ZFAT: variants seen among roughly 807,000 people sequenced by gnomAD.
ZFAT encodes the protein zinc finger protein ZFAT.
ZFAT carries 64 observed loss-of-function variants against 117.7 expected under a neutral mutation model. The ratio of observed to expected loss-of-function variants is 0.54; its 90% confidence interval spans 0.44 to 0.67. The LOEUF (loss-of-function observed/expected upper bound fraction) is 0.67, where lower values mean the gene tolerates loss of function less well. Ranked by LOEUF, ZFAT falls within the 30% of genes least tolerant of loss-of-function variation. The pLI, the probability that ZFAT is intolerant of heterozygous loss-of-function variation, is 0.00. For synonymous variants in ZFAT, 679 were observed against 615.0 expected, an observed-to-expected ratio of 1.10 and a Z score of -1.54; for missense variants, 1,433 against 1,584.5, an observed-to-expected ratio of 0.90 and a Z score of 1.62.
intron 2 of ZFAT, among the ~76,000 whole-genome samples, chr8:134,655,846 C>T (rs1189948010): frequency 6.6e-6 from 1 of 151,660 alleles, no homozygotes; most frequent in Non-Finnish European, 1.5e-5. Context: ...AGTCCATATA[C>T]ATTCAACCCC....
chr8:134,588,348 G>A lies in ZFAT; in HGVS notation c.2611C>T (p.Leu871=). The change falls in exon 9 of 16, where the codon CTG becomes TTG. Residue 871 remains leucine, a synonymous_variant. Coordinates refer to ENST00000377838, the MANE Select transcript of ZFAT (RefSeq NM_020863.4). ...ISEVLGRRVQ[L]KGLIGKRAMK... Reference sequence around the variant, plus strand: ...GCTCTCTTTCCAATTAGCCCTTTCAGCTGAACCCTCCTCCCGAGAACCTCA... The same window carrying A: ...GCTCTCTTTCCAATTAGCCCTTTCAACTGAACCCTCCTCCCGAGAACCTCA... The A allele has an allele frequency of 6.3e-7, 1 of 1,594,040 alleles. No homozygotes were observed. Among genetic ancestry groups the A allele is most frequent in the Non-Finnish European group, 8.5e-7 (1 of 1,169,836 alleles).
At chr8:134,828,230 G>A in the ZFAT span, among the ~76,000 whole-genome samples, 290 of 152,118 alleles carry the variant, frequency 1.9e-3, 2 homozygotes, top group African/African-American at 6.6e-3. Flanking sequence ...GAGGAACTAA[G>A]AGCCTGTACT....
intron 15 of ZFAT, among the ~76,000 whole-genome samples, chr8:134,480,575 A>G (rs1405944940): frequency 6.6e-6 from 1 of 152,196 alleles, no homozygotes; most frequent in Non-Finnish European, 1.5e-5. Flanking sequence ...ACAGTGAATG[A>G]CTGTGCTGTG....
At chr8:134,700,855 A>G (rs1833991541) in intron 1 of ZFAT, among the ~76,000 whole-genome samples, 1 of 152,132 alleles carries the variant, frequency 6.6e-6, no homozygotes, top group Non-Finnish European at 1.5e-5. Context: ...GGCACTGCCC[A>G]AGCGACCCTT....
At position 134,478,475 on chromosome 8, in the gene ZFAT, A is replaced by G. The variant is rs1407140061; in HGVS notation, c.*7T>C. On this transcript the variant is annotated 3_prime_UTR_variant, in exon 16 of 16. Transcript: ENST00000377838. The surrounding 1 kb of genome is among the most constrained non-coding windows in gnomAD (Gnocchi z 5.2). ...CCGCCCTGTGGCCATCCGATGCCACATGTCCTCTAGAGTTCCTGGGCCGGC... is the reference window on the plus strand; with the variant it reads ...CCGCCCTGTGGCCATCCGATGCCACGTGTCCTCTAGAGTTCCTGGGCCGGC... The G allele has an allele frequency of 2.6e-6, 4 of 1,557,824 alleles. No individual in the cohort carries two copies. The Admixed American group carries it at 5.8e-5, about 22-fold the overall frequency.
intron 1 of ZFAT, among the ~76,000 whole-genome samples, 170 bp downstream of exon 1, chr8:134,712,675 G>C (rs1342520453): frequency 7.0e-6 from 1 of 143,262 alleles, no homozygotes; most frequent in Non-Finnish European, 1.5e-5. Flanking sequence ...GTGAGCCGCA[G>C]AACGCAACTA....
the ZFAT span, among the ~76,000 whole-genome samples, chr8:134,769,635 C>T: frequency 6.6e-6 from 1 of 152,150 alleles, no homozygotes; most frequent in East Asian, 1.9e-4. Flanking sequence ...GCCCTCTTCT[C>T]ACAGCTTCAC....
In ZFAT at chr8:134,478,842, C is replaced by A; in HGVS notation, c.3493-121G>T. 7.2e-7 allele frequency: 1 copy of A among 1,387,466 alleles called. No individual in the cohort carries two copies. Among genetic ancestry groups the A allele is most frequent in the Admixed American group, 2.2e-5 (1 of 45,872 alleles). 85.9% of individuals were successfully genotyped at this position (1,387,466 alleles called of 1,614,324 possible). Reference sequence around the variant, plus strand: ...GCTGCGGGAGCACGTCCATTCTCCACGGATCCTCTCTACCAGGCTGTGCTT... The same window carrying A: ...GCTGCGGGAGCACGTCCATTCTCCAAGGATCCTCTCTACCAGGCTGTGCTT... On this transcript the variant is annotated intron_variant, in intron 15 of 15. Transcript: ENST00000377838. This position sits in a 1 kb window ranked among gnomAD's most constrained non-coding sequence, Gnocchi z 5.2.
At chr8:134,780,960 G>T in the ZFAT span, among the ~76,000 whole-genome samples, 6 of 152,048 alleles carry the variant, frequency 3.9e-5, no homozygotes, top group African/African-American at 1.4e-4. Context: ...CACAGTCAGG[G>T]TACTAGTAAT....
chr8:134,696,001 G>T (rs1238775534), intron 1 of ZFAT, among the ~76,000 whole-genome samples: 1 of 145,382 alleles, frequency 6.9e-6, no homozygotes, highest in Admixed American at 6.8e-5. Context: ...AACGAATAAG[G>T]TGCCACCCTC....
At chr8:134,541,988 C>T (rs57219802) in intron 11 of ZFAT, among the ~76,000 whole-genome samples, 27,058 of 152,178 alleles carry the variant, frequency 0.18, 3,045 homozygotes, top group East Asian at 0.33. Context: ...ATCTTACCTC[C>T]TCCCTCCCAG....
chr8:134,817,729 T>TA, the ZFAT span, among the ~76,000 whole-genome samples: 1 of 152,060 alleles, frequency 6.6e-6, no homozygotes, highest in Non-Finnish European at 1.5e-5. Flanking sequence ...GTAAAATACC[T>TA]AGACTAGCAA....
chr8:134,689,579 G>A (rs1273269814), intron 1 of ZFAT, among the ~76,000 whole-genome samples: 1 of 152,252 alleles, frequency 6.6e-6, no homozygotes, highest in Non-Finnish European at 1.5e-5. Context: ...TACTACGATA[G>A]AGAGCAGAGG....
At chr8:134,620,903 G>C (rs553357967) in intron 3 of ZFAT, among the ~76,000 whole-genome samples, 53 of 152,176 alleles carry the variant, frequency 3.5e-4, no homozygotes, top group South Asian at 1.2e-3. Flanking sequence ...GGCTTGCTGG[G>C]GTGACCCAGG....
chr8:134,828,728 A>G, the ZFAT span, among the ~76,000 whole-genome samples: 8 of 152,218 alleles, frequency 5.3e-5, no homozygotes, highest in Admixed American at 1.3e-4. Flanking sequence ...AAACTTCCCA[A>G]GTACTTCATT....
intron 15 of ZFAT, among the ~76,000 whole-genome samples, chr8:134,487,021 T>A (rs998762821): frequency 6.6e-6 from 1 of 152,210 alleles, no homozygotes. Flanking sequence ...GGTCTGTATG[T>A]GTCCATATAT....
chr8:134,818,853 A>G, the ZFAT span, among the ~76,000 whole-genome samples: 1 of 152,210 alleles, frequency 6.6e-6, no homozygotes, highest in African/African-American at 2.4e-5. Context: ...AGGAGTGCAT[A>G]TTGTATTCTA....
intron 5 of ZFAT, among the ~76,000 whole-genome samples, chr8:134,607,339 A>G (rs1345479859): frequency 6.6e-6 from 1 of 152,276 alleles, no homozygotes; most frequent in Non-Finnish European, 1.5e-5. Flanking sequence ...GATTGAAGCT[A>G]CAAATTAATG....
intron 1 of ZFAT, among the ~76,000 whole-genome samples, chr8:134,708,976 A>T (rs959882206): frequency 2.6e-5 from 4 of 152,134 alleles, no homozygotes; most frequent in Non-Finnish European, 4.4e-5. Flanking sequence ...TTTAATTTTT[A>T]AAAATGACTT....
Sources: gnomAD v4.1 joint callset for allele counts (sites outside exome capture counted in the v4.1 genomes callset) on GRCh38, gnomAD v4.1.1 for gene constraint, Gnocchi (gnomAD v3.1) non-coding constraint, MANE v1.5 for transcripts, NCBI Gene and HGNC (gene_info 2026-07-23, HGNC 2026-07-21) for gene names.